The following CFAP20DC variants were observed in gnomAD, a reference collection of about 807,000 sequenced individuals.
The protein encoded by CFAP20DC is protein CFAP20DC.
A neutral mutation model predicts 101.7 loss-of-function variants in CFAP20DC; 84 were observed. That is an observed-to-expected ratio of 0.83 (90% confidence interval 0.69 to 0.99). The LOEUF (loss-of-function observed/expected upper bound fraction) is 0.99. Among genes scored for constraint, CFAP20DC ranks in the 50% least tolerant of loss-of-function variants. The pLI, the probability that CFAP20DC is intolerant of heterozygous loss-of-function variation, is 0.00. For synonymous variants in CFAP20DC, 359 were observed against 351.2 expected, an observed-to-expected ratio of 1.02 and a Z score of -0.25; for missense variants, 1,007 against 970.3, an observed-to-expected ratio of 1.04 and a Z score of -0.50.
chr3:58,757,613 T>C (rs1431260796), intron 15 of CFAP20DC, among the ~76,000 whole-genome samples: 2 of 152,118 alleles, frequency 1.3e-5, no homozygotes, highest in Non-Finnish European at 2.9e-5. Context: ...TACAACCAAG[T>C]TCTGTGGAAA....
intron 4 of CFAP20DC, among the ~76,000 whole-genome samples, chr3:59,031,381 G>A (rs944627059): frequency 6.6e-6 from 1 of 152,128 alleles, no homozygotes; most frequent in Non-Finnish European, 1.5e-5. Context: ...GGTTGTTAAG[G>A]AGCTTAAAAA....
chr3:58,823,831 C>G (rs1031788717), intron 14 of CFAP20DC, among the ~76,000 whole-genome samples: 14 of 152,090 alleles, frequency 9.2e-5, no homozygotes, highest in African/African-American at 3.4e-4. Context: ...TATCTCCTTA[C>G]CATAAATTAA....
chr3:58,726,020 TTG>T (rs2067544820), intron 3 of CFAP20DC: 1 of 152,438 alleles, frequency 6.6e-6, no homozygotes, highest in Non-Finnish European at 1.5e-5. Context: ...ATGGATTGCT[TTG>T]TGATTCAAGC....
At chr3:58,763,561 C>A (rs1359609926) in intron 15 of CFAP20DC, among the ~76,000 whole-genome samples, 7 of 152,222 alleles carry the variant, frequency 4.6e-5, no homozygotes, top group Admixed American at 3.9e-4. Flanking sequence ...CTCCGTCCAG[C>A]TTTGTTCCGT....
chr3:58,791,070 T>A (rs1278062876), intron 15 of CFAP20DC, among the ~76,000 whole-genome samples: 1 of 152,168 alleles, frequency 6.6e-6, no homozygotes, highest in African/African-American at 2.4e-5. Context: ...TGGAATGGGC[T>A]GTCTTCTGCT....
intron 14 of CFAP20DC, among the ~76,000 whole-genome samples, chr3:58,823,552 T>C (rs1366613460): frequency 6.6e-6 from 1 of 152,084 alleles, no homozygotes; most frequent in Non-Finnish European, 1.5e-5. Flanking sequence ...GATGAACAAC[T>C]ACATTCAACA....
intron 15 of CFAP20DC, among the ~76,000 whole-genome samples, chr3:58,766,767 C>G (rs1467103294): frequency 6.6e-6 from 1 of 152,218 alleles, no homozygotes; most frequent in African/African-American, 2.4e-5. Flanking sequence ...GTGTGCCATG[C>G]TCCCTACCAT....
chr3:58,753,490 T>C (rs1458993958), intron 16 of CFAP20DC, among the ~76,000 whole-genome samples: 1 of 152,210 alleles, frequency 6.6e-6, no homozygotes, highest in African/African-American at 2.4e-5. Flanking sequence ...GAAATTCAGA[T>C]GAAGGTCAAT....
chr3:58,921,426 G>C (rs1374902223), intron 5 of CFAP20DC, among the ~76,000 whole-genome samples: 3 of 151,676 alleles, frequency 2.0e-5, no homozygotes, highest in African/African-American at 7.3e-5. Context: ...CACACATTTT[G>C]GTGTGCTTTA....
intron 7 of CFAP20DC, among the ~76,000 whole-genome samples, chr3:58,878,589 T>C (rs996267709): frequency 6.6e-6 from 1 of 152,060 alleles, no homozygotes; most frequent in East Asian, 1.9e-4. Context: ...TTACAAGCCG[T>C]GGTAGATAAT....
chr3:59,012,319 G>C (rs1044192914), intron 4 of CFAP20DC, among the ~76,000 whole-genome samples: 2 of 152,232 alleles, frequency 1.3e-5, no homozygotes, highest in Non-Finnish European at 2.9e-5. Context: ...GTATGTGATA[G>C]TTTCCGGATC....
intron 15 of CFAP20DC, among the ~76,000 whole-genome samples, chr3:58,780,571 T>C (rs1385681393): frequency 1.3e-5 from 2 of 151,802 alleles, no homozygotes; most frequent in Middle Eastern, 3.4e-3. Context: ...AAGAAACATA[T>C]AGACTGAAAA....
intron 14 of CFAP20DC, among the ~76,000 whole-genome samples, chr3:58,823,514 C>T (rs555036341): frequency 2.0e-5 from 3 of 152,056 alleles, no homozygotes; most frequent in Non-Finnish European, 4.4e-5. Context: ...CTTATTTGAT[C>T]CTCAGAGCAA....
intron 4 of CFAP20DC, among the ~76,000 whole-genome samples, chr3:58,944,534 T>A (rs888778499): frequency 1.3e-5 from 2 of 152,136 alleles, no homozygotes; most frequent in Admixed American, 6.5e-5. Context: ...GCTGAAGCAG[T>A]TTCATTTGTT....
At chr3:58,906,891 T>C (rs1001260618) in intron 6 of CFAP20DC, among the ~76,000 whole-genome samples, 2 of 152,198 alleles carry the variant, frequency 1.3e-5, no homozygotes, top group African/African-American at 4.8e-5. Flanking sequence ...ATCACGCCAC[T>C]GCACTACAGC....
rs568233203 is a variant in CFAP20DC, at chr3:58,779,780, G to A, written c.2238-25917C>T. 3.9e-5 allele frequency among the ~76,000 whole-genome samples: 6 copies of A among 152,200 alleles called. No homozygotes were observed. In the South Asian group the frequency reaches 1.0e-3, roughly 26 times the overall value. ...AGGTGAAGAGGAGATGAAAGGGTTAGAAAAATCTATTTAGCAAATTGATAA... is the reference window on the plus strand; with the variant it reads ...AGGTGAAGAGGAGATGAAAGGGTTAAAAAAATCTATTTAGCAAATTGATAA... On this transcript the variant is annotated intron_variant, in intron 15 of 16. Transcript: ENST00000482387.
chr3:58,788,758 T>C lies in CFAP20DC; in HGVS notation c.2237+17637A>G, dbSNP rs182120426. Among the ~76,000 whole-genome samples the C allele has an allele frequency of 2.6e-5, 4 of 152,246 alleles. No homozygotes were observed. Among genetic ancestry groups the C allele is most frequent in the Non-Finnish European group, 5.9e-5 (4 of 68,004 alleles). ...TAGCCTTGTGACCTTTGAGCCAAAC[T>C]CTGTGTCTCTTGTTTCCACATCTGG... On this transcript the variant is annotated intron_variant, in intron 15 of 16. Coordinates refer to ENST00000482387, the MANE Select transcript of CFAP20DC (RefSeq NM_001394063.1). This position sits in a 1 kb window ranked among gnomAD's most constrained non-coding sequence, Gnocchi z 4.2.
intron 4 of CFAP20DC, among the ~76,000 whole-genome samples, chr3:58,944,777 C>A (rs778577730): frequency 2.0e-5 from 3 of 152,082 alleles, no homozygotes; most frequent in Non-Finnish European, 4.4e-5. Flanking sequence ...ATCCAGTTTT[C>A]CAATAGGTTA....
chr3:58,986,317 G>T (rs1559946245), intron 4 of CFAP20DC, among the ~76,000 whole-genome samples: 1 of 152,092 alleles, frequency 6.6e-6, no homozygotes. Flanking sequence ...GAACCAGAGG[G>T]TTAATATGTG....
Sources: gnomAD v4.1 joint callset for allele counts (sites outside exome capture counted in the v4.1 genomes callset) on GRCh38, gnomAD v4.1.1 for gene constraint, Gnocchi (gnomAD v3.1) non-coding constraint, MANE v1.5 for transcripts, NCBI Gene and HGNC (gene_info 2026-07-23, HGNC 2026-07-21) for gene names.